Variants in CLUAP1 observed in about 807,000 individuals in gnomAD.
CLUAP1 encodes the protein intraflagellar transport 38.
A neutral mutation model predicts 55.0 loss-of-function variants in CLUAP1; 50 were observed. The ratio of observed to expected loss-of-function variants is 0.91; its 90% confidence interval spans 0.72 to 1.15. The LOEUF (loss-of-function observed/expected upper bound fraction) is 1.15, where lower values mean the gene tolerates loss of function less well. CLUAP1 is among the 50% of genes most tolerant of loss of function. CLUAP1 has a pLI of 0.00. For missense variants in CLUAP1, 530 were observed against 507.6 expected (o/e 1.04, Z -0.42); for synonymous variants, 195 against 175.4 (o/e 1.11, Z -0.88).
rs189104007 is a variant in CLUAP1, at chr16:3,530,742, G to A, written c.1036+67G>A. The A allele has an allele frequency of 2.2e-5, 28 of 1,259,270 alleles. No individual in the cohort carries two copies. The South Asian group carries it at 3.1e-4, about 14-fold the overall frequency. 78.0% of individuals were successfully genotyped at this position (1,259,270 alleles called of 1,614,324 possible). On this transcript the variant is annotated intron_variant, in intron 10 of 11. Transcript: ENST00000576634. ...TTTCACAGAACACCTGGCCAGGACT[G>A]GGGCAGGCTGCTTAGTATTGAGGCC...
chr16:3,510,635 G>A (rs1245136472), intron 4 of CLUAP1, among the ~76,000 whole-genome samples: 1 of 152,176 alleles, frequency 6.6e-6, no homozygotes, highest in African/African-American at 2.4e-5. Flanking sequence ...TGTACTCTAC[G>A]GGAACCACTG....
At chr16:3,534,837 A>C (rs1376390847) in intron 11 of CLUAP1, 1 of 152,248 alleles carries the variant, frequency 6.6e-6, no homozygotes, top group East Asian at 1.9e-4. Flanking sequence ...TGACAGCCAC[A>C]TGCTAGGGTT....
At chr16:3,504,113 G>A (rs75065052) in intron 1 of CLUAP1, among the ~76,000 whole-genome samples, 6,711 of 152,230 alleles carry the variant, frequency 0.044, 267 homozygotes, top group African/African-American at 0.1. Flanking sequence ...TAGTATTACT[G>A]TTTCTTAATC....
At chr16:3,501,154 G>C (rs1384122992) in intron 1 of CLUAP1, 65 bp downstream of exon 1, 1 of 1,501,146 alleles carries the variant, frequency 6.7e-7, no homozygotes, top group Non-Finnish European at 9.0e-7. Flanking sequence ...CCGCCCGCCG[G>C]GTCCCCTGTG....
At chr16:3,496,731 G>C, upstream of CLUAP1, 1 of 526,578 alleles carries the variant, frequency 1.9e-6, no homozygotes, top group Admixed American at 2.0e-5. Flanking sequence ...AAGTTCGAGC[G>C]CGCCAGAGGC....
intron 7 of CLUAP1, among the ~76,000 whole-genome samples, chr16:3,522,161 A>G (rs192627162): frequency 1.3e-5 from 2 of 152,050 alleles, no homozygotes; most frequent in African/African-American, 4.8e-5. Context: ...GAACATTATT[A>G]TTATTATTAT....
chr16:3,530,612 G>T lies in CLUAP1; in HGVS notation c.973G>T (p.Asp325Tyr). Reference sequence around the variant, plus strand: ...AGACATCCAGGAGGACGATGAATCCGACAGTGAGTTGGAAGAAAGGCGGCT... The same window carrying T: ...AGACATCCAGGAGGACGATGAATCCTACAGTGAGTTGGAAGAAAGGCGGCT... ...DIDIQEDDES[D>Y]SELEERRLPK... Residue 325 changes from aspartate (D) to tyrosine (Y), a missense_variant, in exon 10 of 12, where the codon GAC (aspartate) becomes TAC (tyrosine). Transcript: ENST00000576634. 1.2e-6 allele frequency: 2 copies of T among 1,613,966 alleles called. No homozygotes were observed. Among genetic ancestry groups the T allele is most frequent in the South Asian group, 1.1e-5 (1 of 91,058 alleles).
chr16:3,506,551 C>A, intron 3 of CLUAP1, 136 bp downstream of exon 3: 1 of 704,766 alleles, frequency 1.4e-6, no homozygotes. Flanking sequence ...TTCTCTCGCC[C>A]AGGCCGGAGT....
At chr16:3,528,216 G>T (rs1477405011) in intron 9 of CLUAP1, among the ~76,000 whole-genome samples, 1 of 152,064 alleles carries the variant, frequency 6.6e-6, no homozygotes, top group Non-Finnish European at 1.5e-5. Flanking sequence ...CCTCTTGCTG[G>T]TTGCCCTTTC....
In CLUAP1 at chr16:3,530,674, AG is replaced by A. The variant is rs1479803590; in HGVS notation, c.1036+1del. On this transcript the variant is annotated frameshift_variant and splice_region_variant, in exon 10 of 12. Coordinates refer to ENST00000576634, the MANE Select transcript of CLUAP1 (RefSeq NM_015041.3). LOFTEE classifies it high-confidence loss of function. Reference sequence around the variant, plus strand: ...AGACAGCCATGGAGATGCTCATGCAAGGTACCCCGGCGTCTTTCGCTGGACT... The same window carrying A: ...AGACAGCCATGGAGATGCTCATGCAAGTACCCCGGCGTCTTTCGCTGGACT... Reference protein sequence around the residue: ...PQTAMEMLMQGRPGKRIVGTM... With the variant: ...PQTAMEMLMQXRPGKRIVGTM... 9 of 1,613,196 alleles carry A rather than the reference AG, an allele frequency of 5.6e-6. No individual in the cohort carries two copies. The highest frequency in any genetic ancestry group is 6.8e-6 in the Non-Finnish European group (8 of 1,179,368).
intron 6 of CLUAP1, among the ~76,000 whole-genome samples, chr16:3,518,896 A>G (rs980685104): frequency 2.0e-5 from 3 of 152,186 alleles, no homozygotes; most frequent in Non-Finnish European, 4.4e-5. Flanking sequence ...AGAGACTTGC[A>G]GGAAAACAGA....
chr16:3,496,215 C>A, upstream of CLUAP1: 1 of 587,906 alleles, frequency 1.7e-6, no homozygotes. Context: ...GAGCTGACGT[C>A]CGCCACAAGA....
Position 3,529,731 on chromosome 16 carries a change from ATAT to A in CLUAP1, c.929-830_929-828del, listed in dbSNP as rs1203120827. ...TATTATATAATATTATATATTATAT[ATAT>A]TATTATATATTATATATTATATAAT... On this transcript the variant is annotated intron_variant, in intron 9 of 11. Transcript: ENST00000576634. 2.4e-4 allele frequency among the ~76,000 whole-genome samples: 10 copies of A among 41,680 alleles called. 1 individual carries two copies. The highest frequency in any genetic ancestry group is 5.7e-4 in the African/African-American group (5 of 8,832). 27.3% of individuals were successfully genotyped at this position (41,680 alleles called of 152,430 possible). A position where few individuals can be genotyped will look rare whatever the true frequency, so the allele number is the denominator to read the frequency against.
chr16:3,529,049 C>T (rs1036862352), intron 9 of CLUAP1, among the ~76,000 whole-genome samples: 34 of 151,740 alleles, frequency 2.2e-4, no homozygotes, highest in Non-Finnish European at 7.4e-5. Context: ...AGTCATCCCT[C>T]AATATCTGCG....
chr16:3,523,961 A>G (rs889166888), intron 8 of CLUAP1, among the ~76,000 whole-genome samples: 2 of 151,960 alleles, frequency 1.3e-5, no homozygotes, highest in African/African-American at 4.8e-5. Flanking sequence ...GCAAGATCCC[A>G]TCTCCAAAAA....
intron 1 of CLUAP1, among the ~76,000 whole-genome samples, chr16:3,502,582 T>C (rs1489034608): frequency 1.3e-5 from 2 of 152,216 alleles, no homozygotes; most frequent in African/African-American, 4.8e-5. Flanking sequence ...TGGTTATGAA[T>C]TGCTCTTTTC....
At chr16:3,510,808 A>C (rs964666084) in intron 4 of CLUAP1, among the ~76,000 whole-genome samples, 2 of 152,256 alleles carry the variant, frequency 1.3e-5, no homozygotes, top group Admixed American at 1.3e-4. Context: ...TGAAGTTGCC[A>C]TGTACTGAAG....
chr16:3,533,098 G>C (rs2151071849), intron 11 of CLUAP1: 1 of 1,536,112 alleles, frequency 6.5e-7, no homozygotes, highest in Non-Finnish European at 8.7e-7. Context: ...GCTTTCCAAA[G>C]ATGGAAGCAG....
At chr16:3,533,683 A>G (rs2038174489) in intron 11 of CLUAP1, 1 of 158,372 alleles carries the variant, frequency 6.3e-6, no homozygotes, top group Non-Finnish European at 1.4e-5. Flanking sequence ...TGCTCGGCCC[A>G]CACAGCAAAG....
Sources: gnomAD v4.1 joint callset for allele counts (sites outside exome capture counted in the v4.1 genomes callset) on GRCh38, gnomAD v4.1.1 for gene constraint, MANE v1.5 for transcripts, NCBI Gene and HGNC (gene_info 2026-07-23, HGNC 2026-07-21) for gene names.